Variants in DMBT1 observed in about 807,000 individuals in gnomAD.
The protein encoded by DMBT1 is scavenger receptor cysteine-rich domain-containing protein DMBT1.
A neutral mutation model predicts 252.9 loss-of-function variants in DMBT1; 198 were observed. The observed-to-expected ratio is 0.78, with a 90% confidence interval of 0.70 to 0.88. The LOEUF (loss-of-function observed/expected upper bound fraction) is 0.88. DMBT1 is among the 40% of genes least tolerant of loss of function. The pLI is 0.00. For missense variants in DMBT1, 2,432 were observed against 2,404.7 expected (o/e 1.01, Z -0.24); for synonymous variants, 990 against 942.7 (o/e 1.05, Z -0.92).
rs921044169 is a variant in DMBT1 at position 122,566,120 on chromosome 10, G to A, written c.91+124G>A. On this transcript the variant is annotated intron_variant, in intron 2 of 55. Transcript: ENST00000338354. ...CAAACGCCTGCCTTGTCGAATGCAG[G>A]AATGCCGGGGGGACAGGAGACGTGC... The A allele has an allele frequency of 1.4e-5, 14 of 971,578 alleles. No homozygotes were observed. In the African/African-American group the frequency reaches 1.4e-4, roughly 10 times the overall value. 60.2% of individuals were successfully genotyped at this position (971,578 alleles called of 1,614,324 possible).
At chr10:122,636,239 C>T (rs755941464) in intron 53 of DMBT1, 40 bp downstream of exon 53, 4 of 1,534,606 alleles carry the variant, frequency 2.6e-6, no homozygotes, top group Non-Finnish European at 1.8e-6. Context: ...GGACTGGGGA[C>T]ATCCTGAGAG....
At position 122,643,300 on chromosome 10, in the gene DMBT1, T is replaced by A. The variant is rs1271759295; in HGVS notation, c.7531T>A (p.Ser2511Thr). 1.2e-6 allele frequency: 2 copies of A among 1,613,576 alleles called. No homozygotes were observed. Among genetic ancestry groups the A allele is most frequent in the Non-Finnish European group, 1.7e-6 (2 of 1,179,824 alleles). The stretch of plus-strand genomic sequence containing the variant: ...CTGCTACCGAGGCTGTGTGTTGAGG[T>A]CGAAGAGGGATGTGGGCTCCTACCA... ...SRCYRGCVLR[S>T]KRDVGSYQEK... is the part of the protein sequence containing the mutation. Residue 2511 changes from serine (S) to threonine (T), a missense_variant, in exon 56 of 56, where the codon TCG becomes ACG. Physicochemically the swap from Ser to Thr is moderately conservative, Grantham distance 58. Coordinates refer to ENST00000338354, the MANE Select transcript of DMBT1 (RefSeq NM_001377530.1).
chr10:122,571,673 ACTGT>A (rs1463079399), intron 4 of DMBT1, among the ~76,000 whole-genome samples: 2 of 152,186 alleles, frequency 1.3e-5, no homozygotes, highest in East Asian at 3.9e-4. Context: ...CTGCAAGGAC[ACTGT>A]CCCATGGTGT....
At chr10:122,622,323 G>A (rs772662990) in intron 44 of DMBT1, among the ~76,000 whole-genome samples, 1 of 152,136 alleles carries the variant, frequency 6.6e-6, no homozygotes. Context: ...CTTTAAAGAG[G>A]ATCTATTATT....
At chr10:122,565,321 TA>T (rs1202678843) in intron 1 of DMBT1, among the ~76,000 whole-genome samples, 1 of 152,194 alleles carries the variant, frequency 6.6e-6, no homozygotes, top group Non-Finnish European at 1.5e-5. Flanking sequence ...TCCTTTTTTT[TA>T]AATGAATAAA....
rs189970725 is a variant in DMBT1 at position 122,617,229 on chromosome 10, C to T, written c.4860C>T (p.Asp1620=). ...TTTTTTCTTTGTTGCTATTTACAGA[C>T]ACTTGGCCAACCTCTCGTGCATCAA... ...ASQSQPTPSP[D]TWPTSRASTA... The change falls in exon 40 of 56, where the codon GAC becomes GAT. Residue 1620 remains aspartate (D), a splice_region_variant and synonymous_variant. Transcript: ENST00000338354. 1,460 of 1,609,600 alleles carry T rather than the reference C, an allele frequency of 9.1e-4. 188 individuals are homozygous for T. In the East Asian group the frequency reaches 0.033, roughly 37 times the overall value.
At chr10:122,566,182 G>A (rs960698010) in intron 2 of DMBT1, among the ~76,000 whole-genome samples, 186 bp downstream of exon 2, 4 of 152,174 alleles carry the variant, frequency 2.6e-5, no homozygotes, top group African/African-American at 9.7e-5. Flanking sequence ...GTGCACACTC[G>A]GCCAATCCCA....
At chr10:122,626,943 G>A (rs932281326) in intron 46 of DMBT1, among the ~76,000 whole-genome samples, 2 of 152,140 alleles carry the variant, frequency 1.3e-5, no homozygotes, top group African/African-American at 4.8e-5. Context: ...GCCCTAGGGT[G>A]GGAAGGAGCT....
At chr10:122,569,016 AG>A (rs1299391084) in intron 2 of DMBT1, among the ~76,000 whole-genome samples, 1 of 152,210 alleles carries the variant, frequency 6.6e-6, no homozygotes, top group Non-Finnish European at 1.5e-5. Flanking sequence ...CCTGCTTTGC[AG>A]TAAGTCATGT....
At chr10:122,571,301 C>T in intron 4 of DMBT1, among the ~76,000 whole-genome samples, 1 of 152,148 alleles carries the variant, frequency 6.6e-6, no homozygotes, top group South Asian at 2.1e-4. Context: ...CTCAGCCCCT[C>T]AGAATCTGCT....
At chr10:122,563,388 T>C (rs1465931598) in intron 1 of DMBT1, among the ~76,000 whole-genome samples, 1 of 152,252 alleles carries the variant, frequency 6.6e-6, no homozygotes, top group East Asian at 1.9e-4. Context: ...TTCCTAAAAG[T>C]AATGTGAGCT....
At position 122,589,168 on chromosome 10, in the gene DMBT1, C is replaced by T. The variant is rs2277237; in HGVS notation, c.2008C>T (p.Arg670Cys). The change falls in exon 17 of 56, where the codon CGC (arginine) becomes TGC (cysteine). Residue 670 changes from arginine (R) to cysteine (C), a missense_variant. Arg to Cys is a radical substitution (Grantham distance 180, BLOSUM62 -3). This residue lies in a region of DMBT1 where 1,264 missense variants were observed against 1,082.2 expected (regional missense o/e 1.17). Transcript: ENST00000338354. ...GSGPIVLDDV[R>C]CSGHESYLWS... ...AGGACCCATTGTCCTGGATGATGTGCGCTGCTCAGGACATGAGTCCTACCT... is the reference window on the plus strand; with the variant it reads ...AGGACCCATTGTCCTGGATGATGTGTGCTGCTCAGGACATGAGTCCTACCT... The T allele has an allele frequency of 3.5e-3, 5,539 of 1,588,234 alleles. 198 individuals carry two copies. The East Asian group carries it at 0.058, about 17-fold the overall frequency.
rs371304471 is a variant in DMBT1 at position 122,576,435 on chromosome 10, G to T, written c.320G>T (p.Gly107Val). 1.3e-5 allele frequency: 21 copies of T among 1,613,948 alleles called. No homozygotes were observed. The highest frequency in any genetic ancestry group is 1.7e-5 in the Non-Finnish European group (20 of 1,179,858). The change falls in exon 7 of 56, where the codon GGA becomes GTA. Residue 107 changes from glycine (G) to valine (V), a missense_variant. Gly to Val is a moderately radical substitution (Grantham distance 109). Transcript: ENST00000338354. ...DSGLALRLVN[G>V]DGRCQGRVEI... ...GGTTTGGCCCTGAGGCTGGTGAATG[G>T]AGATGGCAGGTGTCAGGGCCGAGTG...
chr10:122,634,833 C>A (rs556019678), intron 52 of DMBT1, among the ~76,000 whole-genome samples: 1 of 152,100 alleles, frequency 6.6e-6, no homozygotes, highest in East Asian at 1.9e-4. Context: ...TCCAAGGAGG[C>A]GGGTGGCCCA....
In DMBT1 at chr10:122,618,292, C is replaced by A; in HGVS notation, c.5167C>A (p.Leu1723Ile). ...GTGGAGCTGCCCCCACAATGGCTGGCTCTCCCACAACTGTGGCCATCATGA... is the reference window on the plus strand; with the variant it reads ...GTGGAGCTGCCCCCACAATGGCTGGATCTCCCACAACTGTGGCCATCATGA... ...YLWSCPHNGWLSHNCGHHEDA... is the reference protein window; with the variant it reads ...YLWSCPHNGWISHNCGHHEDA... The change falls in exon 41 of 56, where the codon CTC becomes ATC. Residue 1723 changes from leucine (L) to isoleucine (I), a missense_variant. Coordinates refer to ENST00000338354, the MANE Select transcript of DMBT1 (RefSeq NM_001377530.1). 6.2e-7 allele frequency: 1 copy of A among 1,613,846 alleles called. No individual in the cohort carries two copies. Among genetic ancestry groups the A allele is most frequent in the Non-Finnish European group, 8.5e-7 (1 of 1,179,776 alleles).
chr10:122,576,440 G>A lies in DMBT1; in HGVS notation c.325G>A (p.Gly109Ser). ...GLALRLVNGD[G>S]RCQGRVEILY... ...GGCCCTGAGGCTGGTGAATGGAGAT[G>A]GCAGGTGTCAGGGCCGAGTGGAGAT... The change falls in exon 7 of 56, where the codon GGC (glycine) becomes AGC (serine). Residue 109 changes from glycine to serine, a missense_variant. Gly to Ser is a moderately conservative substitution (Grantham distance 56, BLOSUM62 0). Around this residue, in one of 3 missense-constraint regions of DMBT1, gnomAD observed 1,264 missense variants for 1,082.2 expected, o/e 1.17. Transcript: ENST00000338354. The A allele has an allele frequency of 6.2e-7, 1 of 1,613,940 alleles. No homozygotes were observed. The highest frequency in any genetic ancestry group is 8.5e-7 in the Non-Finnish European group (1 of 1,179,852).
chr10:122,592,193 A>G (rs1486408807), intron 19 of DMBT1, 79 bp from the exon 20 acceptor site: 1 of 1,549,390 alleles, frequency 6.5e-7, no homozygotes, highest in Non-Finnish European at 8.7e-7. Context: ...GCCATTAGGA[A>G]GTACCCTGAG....
rs1476047879 is a variant in DMBT1, at chr10:122,631,869, A to G, written c.6361A>G (p.Thr2121Ala). 1.2e-6 allele frequency: 2 copies of G among 1,613,566 alleles called. No homozygotes were observed. The highest frequency in any genetic ancestry group is 1.7e-6 in the Non-Finnish European group (2 of 1,179,778). ...TCCTTTTTCAGGAAACCATCTATCGACACCTGGTAAGTCCCTCCGATTTCC... is the reference window on the plus strand; with the variant it reads ...TCCTTTTTCAGGAAACCATCTATCGGCACCTGGTAAGTCCCTCCGATTTCC... ...GVICSGNHLSTPAPFLNITRP... is the reference protein window; with the variant it reads ...GVICSGNHLSAPAPFLNITRP... Residue 2121 changes from threonine (T) to alanine (A), a missense_variant, in exon 50 of 56, where the codon ACA becomes GCA. Coordinates refer to ENST00000338354, the MANE Select transcript of DMBT1 (RefSeq NM_001377530.1).
At position 122,639,930 on chromosome 10, in the gene DMBT1, G is replaced by A. The variant is rs571182851; in HGVS notation, c.6943-110G>A. ...GCCATCTCTGAGTGGTTCTGGGAGG[G>A]GTGGAAGTCTTGTTGAGTCACGTCC... On this transcript the variant is annotated intron_variant, in intron 54 of 55. Transcript: ENST00000338354. 319 of 1,310,462 alleles carry A rather than the reference G, an allele frequency of 2.4e-4. No individual in the cohort carries two copies. The Middle Eastern group carries it at 3.0e-3, about 12-fold the overall frequency. The allele number at this position is 1,310,462 out of a possible 1,614,324, so 81.2% of individuals were successfully genotyped here.
Sources: allele counts gnomAD v4.1 joint callset (sites outside exome capture counted in the v4.1 genomes callset), GRCh38; gene constraint gnomAD v4.1.1; regional missense constraint gnomAD v4.1.1; transcripts MANE v1.5; gene names NCBI Gene and HGNC (gene_info 2026-07-23, HGNC 2026-07-21).